The following EDAR variants were observed in gnomAD, a reference collection of about 807,000 sequenced individuals.
EDAR encodes the protein tumor necrosis factor receptor superfamily member EDAR.
Under a neutral mutation model 51.3 loss-of-function variants are expected in EDAR, and 38 were observed. The ratio of observed to expected loss-of-function variants is 0.74; its 90% confidence interval spans 0.57 to 0.97. The LOEUF (loss-of-function observed/expected upper bound fraction) is 0.97. Among genes scored for constraint, EDAR ranks in the 50% least tolerant of loss-of-function variants. EDAR has a pLI of 0.00. For synonymous variants in EDAR, 227 were observed against 242.1 expected, an observed-to-expected ratio of 0.94 and a Z score of 0.58; for missense variants, 528 against 595.0, an observed-to-expected ratio of 0.89 and a Z score of 1.17.
intron 1 of EDAR, among the ~76,000 whole-genome samples, chr2:108,954,446 A>C (rs1266861870): frequency 6.6e-6 from 1 of 152,160 alleles, no homozygotes; most frequent in Non-Finnish European, 1.5e-5. Flanking sequence ...GGTGGTCTCT[A>C]TCCCATTATG....
chr2:108,930,972 C>G lies in EDAR; in HGVS notation c.43G>C (p.Val15Leu). ...GGGCTCAGACCACTTACCACCAGGA[C>G]GGGGAGCCAGGGCGTCTGCGTGCAG... ...GDCTQTPWLP[V>L]LVVSLMCSAR... is the part of the protein sequence containing the mutation. The change falls in exon 2 of 12, where the codon GTC becomes CTC. Residue 15 changes from valine to leucine, a missense_variant. Val to Leu is a conservative substitution (Grantham distance 32). Coordinates refer to ENST00000258443, the MANE Select transcript of EDAR (RefSeq NM_022336.4). 3.1e-6 allele frequency: 5 copies of G among 1,613,920 alleles called. No homozygotes were observed. The highest frequency in any genetic ancestry group is 3.4e-6 in the Non-Finnish European group (4 of 1,180,014).
At chr2:108,961,788 G>A (rs943147461) in intron 1 of EDAR, among the ~76,000 whole-genome samples, 2 of 152,104 alleles carry the variant, frequency 1.3e-5, no homozygotes, top group East Asian at 3.8e-4. Flanking sequence ...CTTTTAACCT[G>A]CTGCTGCTCT....
chr2:108,939,762 T>C (rs1332585477), intron 1 of EDAR, among the ~76,000 whole-genome samples: 1 of 152,206 alleles, frequency 6.6e-6, no homozygotes, highest in East Asian at 1.9e-4. Context: ...TGCTGGGTCC[T>C]CCCTCAGCTC....
intron 1 of EDAR, among the ~76,000 whole-genome samples, chr2:108,943,185 G>A (rs1438452492): frequency 6.6e-5 from 10 of 151,992 alleles, no homozygotes; most frequent in Admixed American, 5.9e-4. Flanking sequence ...TCGTTTCTTC[G>A]TCATTCTCTT....
chr2:108,907,249 C>T (rs937225351), intron 10 of EDAR, among the ~76,000 whole-genome samples: 2 of 152,166 alleles, frequency 1.3e-5, no homozygotes, highest in African/African-American at 2.4e-5. Flanking sequence ...GATAAAACCC[C>T]GTATATTTAC....
chr2:108,905,008 A>G (rs59079437), intron 11 of EDAR, among the ~76,000 whole-genome samples: 7,417 of 152,286 alleles, frequency 0.049, 603 homozygotes, highest in African/African-American at 0.17. Context: ...TTACCACTGC[A>G]TGGTAAGAAG....
At chr2:108,970,596 G>C (rs1395012188) in intron 1 of EDAR, among the ~76,000 whole-genome samples, 1 of 149,952 alleles carries the variant, frequency 6.7e-6, no homozygotes. Context: ...AGAATAACCA[G>C]GGTGGGGCAG....
chr2:108,928,385 T>C (rs1222648395), intron 4 of EDAR, among the ~76,000 whole-genome samples: 1 of 152,154 alleles, frequency 6.6e-6, no homozygotes, highest in Non-Finnish European at 1.5e-5. Flanking sequence ...CCTAGGACAC[T>C]CTGAGTGTGC....
rs941370719 is a variant in EDAR at position 108,923,459 on chromosome 2, G to C, written c.357-6C>G. 2.5e-6 allele frequency: 4 copies of C among 1,613,796 alleles called. No individual in the cohort carries two copies. In the African/African-American group the frequency reaches 5.3e-5, roughly 22 times the overall value. On this transcript the variant is annotated splice_polypyrimidine_tract_variant and splice_region_variant and intron_variant, in intron 4 of 11. Transcript: ENST00000258443. The stretch of plus-strand genomic sequence containing the variant: ...TGTTCTCCAGCATGTAGTAGCTACG[G>C]GGGAGAGACAAGACAAAACAGAGAC...
intron 4 of EDAR, among the ~76,000 whole-genome samples, chr2:108,927,381 C>T (rs1028652610): frequency 6.6e-6 from 1 of 152,216 alleles, no homozygotes; most frequent in African/African-American, 2.4e-5. Context: ...AGATGGCTGT[C>T]CACATTCGCC....
At chr2:108,946,885 C>T (rs1365756271) in intron 1 of EDAR, among the ~76,000 whole-genome samples, 1 of 136,548 alleles carries the variant, frequency 7.3e-6, no homozygotes, top group Non-Finnish European at 1.5e-5. Flanking sequence ...CTGGTCCCTC[C>T]CAAATCTCAT....
intron 1 of EDAR, among the ~76,000 whole-genome samples, chr2:108,979,448 G>GTCTCTCTC (rs200484270): frequency 6.4e-5 from 9 of 140,334 alleles, no homozygotes; most frequent in South Asian, 2.4e-4. Context: ...CTCTCTCTCT[G>GTCTCTCTC]TCTCTGTCTC....
intron 10 of EDAR, among the ~76,000 whole-genome samples, chr2:108,907,489 A>T (rs959736419): frequency 2.0e-5 from 3 of 151,834 alleles, no homozygotes; most frequent in African/African-American, 7.3e-5. Context: ...CTACTAAAAT[A>T]TAAAAAAAAT....
rs368849154 is a variant in EDAR at position 108,979,020 on chromosome 2, C to T, written c.-19+9940G>A. Among the ~76,000 whole-genome samples the T allele has an allele frequency of 4.6e-5, 7 of 152,288 alleles. No individual in the cohort carries two copies. In the East Asian group the frequency reaches 9.6e-4, roughly 21 times the overall value. On this transcript the variant is annotated intron_variant, in intron 1 of 11. Transcript: ENST00000258443. ...GTGTGAAGTACAGACATTCCATTTC[C>T]AATTAGGCATCTACTCAGTAAGCAG...
At chr2:108,966,947 T>C (rs966011836) in intron 1 of EDAR, among the ~76,000 whole-genome samples, 4 of 152,228 alleles carry the variant, frequency 2.6e-5, no homozygotes, top group African/African-American at 9.6e-5. Context: ...GTTTGTTTGT[T>C]TGTTTGAGAT....
chr2:108,971,404 G>A (rs1184781050), intron 1 of EDAR, among the ~76,000 whole-genome samples: 1 of 151,918 alleles, frequency 6.6e-6, no homozygotes, highest in Non-Finnish European at 1.5e-5. Context: ...ACCCCCAGGT[G>A]ATTTGCGTGC....
chr2:108,959,660 A>C (rs886665899), intron 1 of EDAR, among the ~76,000 whole-genome samples: 1 of 152,122 alleles, frequency 6.6e-6, no homozygotes, highest in Non-Finnish European at 1.5e-5. Flanking sequence ...CCTGGGACTC[A>C]GCTCTGGATG....
chr2:108,910,286 A>T (rs1319041963), intron 9 of EDAR, among the ~76,000 whole-genome samples, 174 bp downstream of exon 9: 1 of 152,120 alleles, frequency 6.6e-6, no homozygotes, highest in East Asian at 1.9e-4. Context: ...CAGGCTCCTC[A>T]CACCACCTGA....
intron 1 of EDAR, among the ~76,000 whole-genome samples, chr2:108,973,849 A>T (rs1301265707): frequency 6.6e-6 from 1 of 152,198 alleles, no homozygotes; most frequent in Admixed American, 6.5e-5. Context: ...TTATGTAAAT[A>T]ACAACATTTC....
Sources: allele counts gnomAD v4.1 joint callset (sites outside exome capture counted in the v4.1 genomes callset), GRCh38; gene constraint gnomAD v4.1.1; transcripts MANE v1.5; gene names NCBI Gene and HGNC (gene_info 2026-07-23, HGNC 2026-07-21).